PLD1: variants seen among roughly 807,000 people sequenced by gnomAD.
PLD1 encodes the protein choline phosphatase 1.
PLD1 carries 112 observed loss-of-function variants against 137.1 expected under a neutral mutation model. The observed-to-expected ratio is 0.82, with a 90% CI of 0.70 to 0.96. The LOEUF is 0.96. Ranked by LOEUF, PLD1 falls within the 40% of genes least tolerant of loss-of-function variation. The pLI is 0.00. For missense variants in PLD1, 1,321 were observed against 1,342.0 expected (o/e 0.98, Z 0.24); for synonymous variants, 431 against 454.7 (o/e 0.95, Z 0.66).
intron 1 of PLD1, among the ~76,000 whole-genome samples, chr3:171,763,450 A>AGGAGG (rs1175069900): frequency 2.8e-5 from 2 of 71,848 alleles, no homozygotes; most frequent in Non-Finnish European, 2.6e-5. Flanking sequence ...GAAGAGAAAG[A>AGGAGG]GGAGGGGAGG....
At chr3:171,610,542 A>T (rs919610678) in intron 25 of PLD1, among the ~76,000 whole-genome samples, 6 of 152,362 alleles carry the variant, frequency 3.9e-5, no homozygotes, top group Non-Finnish European at 8.8e-5. Context: ...CTGTAATCAA[A>T]AACCTCTACC....
chr3:171,793,981 T>C (rs1336409941), intron 1 of PLD1: 1 of 151,950 alleles, frequency 6.6e-6, no homozygotes, highest in Non-Finnish European at 1.5e-5. Context: ...CCGTCTCTAC[T>C]AAAAATATAA....
intron 6 of PLD1, among the ~76,000 whole-genome samples, chr3:171,731,052 A>G (rs1012590481): frequency 4.6e-5 from 7 of 152,178 alleles, no homozygotes; most frequent in African/African-American, 1.4e-4. Flanking sequence ...GCTATTTGTT[A>G]AACACACTTA....
At chr3:171,650,759 G>A (rs769483298) in intron 21 of PLD1, among the ~76,000 whole-genome samples, 5 of 152,066 alleles carry the variant, frequency 3.3e-5, no homozygotes, top group Non-Finnish European at 7.4e-5. Context: ...TTAGCCAGGC[G>A]TGGTGGCGGG....
chr3:171,642,661 T>C (rs1384032503), intron 23 of PLD1, among the ~76,000 whole-genome samples, 179 bp downstream of exon 23: 5 of 152,102 alleles, frequency 3.3e-5, no homozygotes, highest in Non-Finnish European at 5.9e-5. Context: ...CTTGGTGTCT[T>C]CATTTGAATA....
At chr3:171,709,144 T>C (rs1325156175) in intron 10 of PLD1, among the ~76,000 whole-genome samples, 1 of 152,238 alleles carries the variant, frequency 6.6e-6, no homozygotes, top group Non-Finnish European at 1.5e-5. Flanking sequence ...CAGTTTTTCT[T>C]ACATACAGTT....
At chr3:171,629,819 G>A (rs1159160413) in intron 23 of PLD1, among the ~76,000 whole-genome samples, 1 of 152,204 alleles carries the variant, frequency 6.6e-6, no homozygotes, top group Non-Finnish European at 1.5e-5. Flanking sequence ...TATGGAGAAA[G>A]CTGAAACTGG....
At chr3:171,671,901 C>T (rs1712803189) in intron 19 of PLD1, among the ~76,000 whole-genome samples, 1 of 149,568 alleles carries the variant, frequency 6.7e-6, no homozygotes, top group African/African-American at 2.5e-5. Context: ...CTTGCCCAAT[C>T]GAAAAAAAAA....
rs759061038 is a variant in PLD1 at position 171,611,818 on chromosome 3, G to A, written c.2882+461C>T. On this transcript the variant is annotated intron_variant, in intron 25 of 26. Transcript: ENST00000351298. Reference sequence around the variant, plus strand: ...AAGGACTAGTATTTAATTGGCTCACGTCTGTAATCCCAGTGCTTTGAGAGG... The same window carrying A: ...AAGGACTAGTATTTAATTGGCTCACATCTGTAATCCCAGTGCTTTGAGAGG... Among the ~76,000 whole-genome samples the A allele has an allele frequency of 2.6e-5, 4 of 152,162 alleles. No homozygotes were observed. The South Asian group carries it at 6.2e-4, about 24-fold the overall frequency.
chr3:171,609,701 TA>T (rs777657171), intron 25 of PLD1, among the ~76,000 whole-genome samples: 7 of 152,098 alleles, frequency 4.6e-5, no homozygotes, highest in Non-Finnish European at 5.9e-5. Context: ...AAACAGTACA[TA>T]CACATGGATG....
Position 171,713,979 on chromosome 3 carries a change from G to A in PLD1, c.825C>T (p.Val275=). ...TTTTGAATTCTTTGTCTACCAGCAG[G>A]ACGAAGGCAATGGCACCGCTGTCTG... ...MKPDSGAIAF[V]LLVDKEFKIK... The change falls in exon 9 of 27, where the codon GTC becomes GTT. Residue 275 remains valine, a synonymous_variant. Coordinates refer to ENST00000351298, the MANE Select transcript of PLD1 (RefSeq NM_002662.5). The A allele has an allele frequency of 6.2e-7, 1 of 1,611,002 alleles. No individual in the cohort carries two copies. Among genetic ancestry groups the A allele is most frequent in the Non-Finnish European group, 8.5e-7 (1 of 1,177,236 alleles).
At chr3:171,809,180 C>T (rs1259842706) in intron 1 of PLD1, 1 of 152,180 alleles carries the variant, frequency 6.6e-6, no homozygotes, top group Non-Finnish European at 1.5e-5. Context: ...AGAAGCCAGA[C>T]TGAGCGCTTA....
chr3:171,686,205 T>C (rs1324838648), intron 16 of PLD1, among the ~76,000 whole-genome samples: 1 of 152,088 alleles, frequency 6.6e-6, no homozygotes, highest in African/African-American at 2.4e-5. Context: ...CTTAGTCTTA[T>C]ATCAAAAACT....
chr3:171,712,796 G>A (rs111350810), intron 9 of PLD1, among the ~76,000 whole-genome samples: 1,908 of 152,222 alleles, frequency 0.013, 36 homozygotes, highest in African/African-American at 0.04. Flanking sequence ...AGACTTCTGT[G>A]GCTCACTGTA....
chr3:171,803,261 G>A (rs141796610), intron 1 of PLD1, among the ~76,000 whole-genome samples: 47 of 152,306 alleles, frequency 3.1e-4, no homozygotes, highest in Admixed American at 9.2e-4. Flanking sequence ...ATAACTAAGC[G>A]TATTCCTTTC....
At chr3:171,642,910 A>C in intron 22 of PLD1, 21 bp from the exon 23 acceptor site, 2 of 1,443,668 alleles carry the variant, frequency 1.4e-6, no homozygotes, top group Middle Eastern at 1.8e-4. Context: ...GTAAAGGAGA[A>C]AATAATTACA....
At chr3:171,623,912 A>T (rs926116282) in intron 23 of PLD1, among the ~76,000 whole-genome samples, 1 of 152,036 alleles carries the variant, frequency 6.6e-6, no homozygotes, top group Non-Finnish European at 1.5e-5. Context: ...ATGTAAGCAA[A>T]TGAAACCAGA....
At chr3:171,717,424 C>T (rs1319925302) in intron 8 of PLD1, among the ~76,000 whole-genome samples, 1 of 152,128 alleles carries the variant, frequency 6.6e-6, no homozygotes, top group African/African-American at 2.4e-5. Flanking sequence ...TCTTTCACCT[C>T]CCTAGTCAGC....
At chr3:171,808,829 T>G (rs1723985130) in intron 1 of PLD1, among the ~76,000 whole-genome samples, 1 of 139,378 alleles carries the variant, frequency 7.2e-6, no homozygotes, top group African/African-American at 2.7e-5. Flanking sequence ...TTTTTTTTTT[T>G]TTTTTTTTTT....
Sources: allele counts gnomAD v4.1 joint callset (sites outside exome capture counted in the v4.1 genomes callset), GRCh38; gene constraint gnomAD v4.1.1; transcripts MANE v1.5; gene names NCBI Gene and HGNC (gene_info 2026-07-23, HGNC 2026-07-21).